Variants in FOXP4 observed in about 807,000 individuals in gnomAD.
FOXP4 encodes forkhead box P4, also known as forkhead box protein P4.
In FOXP4, 25 loss-of-function variants were observed where a neutral mutation model predicts 82.6. That is an observed-to-expected ratio of 0.30 (90% CI 0.22 to 0.42). The LOEUF (loss-of-function observed/expected upper bound fraction) is 0.42, where lower values mean the gene tolerates loss of function less well. Ranked by LOEUF, FOXP4 falls within the 10% of genes least tolerant of loss-of-function variation. The pLI is 1.00. For synonymous variants in FOXP4, 415 were observed against 388.2 expected (o/e 1.07, Z -0.81); for missense variants, 785 against 900.9 (o/e 0.87, Z 1.65).
chr6:41,570,341 T>C (rs1217309890), intron 2 of FOXP4: 1 of 471,180 alleles, frequency 2.1e-6, no homozygotes, highest in Non-Finnish European at 4.4e-6. Flanking sequence ...CACCAGTTCA[T>C]ACCAGCTGCT....
At position 41,584,583 on chromosome 6, in the gene FOXP4, GA is replaced by G. The variant is rs537413504; in HGVS notation, c.301-182del. ...TCACTGTTTTCGTTTTAGAGATAAAGAAAACAGACAACAGGAAGGTAAGTCA... is the reference window on the plus strand; with the variant it reads ...TCACTGTTTTCGTTTTAGAGATAAAGAAACAGACAACAGGAAGGTAAGTCA... On this transcript the variant is annotated intron_variant, in intron 3 of 16. Coordinates refer to ENST00000307972, the MANE Select transcript of FOXP4 (RefSeq NM_001012426.2). Among the ~76,000 whole-genome samples the G allele has an allele frequency of 6.8e-4, 104 of 152,310 alleles. 1 individual carries two copies. Among genetic ancestry groups the G allele is most frequent in the African/African-American group, 2.3e-3 (96 of 41,564 alleles).
chr6:41,564,590 T>A (rs943751538), intron 1 of FOXP4, among the ~76,000 whole-genome samples: 1 of 152,188 alleles, frequency 6.6e-6, no homozygotes, highest in Non-Finnish European at 1.5e-5. Context: ...GAGGCATTTC[T>A]GGGGTCAGGG....
intron 13 of FOXP4, 116 bp from the exon 14 acceptor site, chr6:41,594,754 C>T (rs1167338463): frequency 6.1e-6 from 9 of 1,479,172 alleles, no homozygotes; most frequent in Non-Finnish European, 8.2e-6. Flanking sequence ...CCCTGCTCAT[C>T]CCTGAGCTGG....
At chr6:41,566,018 G>A in intron 2 of FOXP4, 54 bp downstream of exon 2, 4 of 1,536,500 alleles carry the variant, frequency 2.6e-6, no homozygotes, top group Non-Finnish European at 3.5e-6. Flanking sequence ...GCACTAGGCT[G>A]CATTCCACTT....
In FOXP4 at chr6:41,587,625, T is replaced by TCACTCCCTCTC. The variant is rs11267985; in HGVS notation, c.872+126_872+136dup. The TCACTCCCTCTC allele has an allele frequency of 3.3e-4, 321 of 973,926 alleles. 2 individuals carry two copies. The South Asian group carries it at 5.1e-3, about 16-fold the overall frequency. 60.3% of individuals were successfully genotyped at this position (973,926 alleles called of 1,614,324 possible). On this transcript the variant is annotated intron_variant, in intron 7 of 16. Coordinates refer to ENST00000307972, the MANE Select transcript of FOXP4 (RefSeq NM_001012426.2). The stretch of plus-strand genomic sequence containing the variant: ...GGGGTGGAGCCCACGGACCGGAGGT[T>TCACTCCCTCTC]CACTCCCTCTCCACTCCCTCTCCCG...
rs560682404 is a variant in FOXP4, at chr6:41,561,628, T to C, written c.-16-4117T>C. Reference sequence around the variant, plus strand: ...TGTGTAGAGAAGAAAGGAGGACCTCTTGGAGCTTGCCCCTCATTACCAGAG... The same window carrying C: ...TGTGTAGAGAAGAAAGGAGGACCTCCTGGAGCTTGCCCCTCATTACCAGAG... On this transcript the variant is annotated intron_variant, in intron 1 of 16. Coordinates refer to ENST00000307972, the MANE Select transcript of FOXP4 (RefSeq NM_001012426.2). Among the ~76,000 whole-genome samples the C allele has an allele frequency of 1.2e-4, 18 of 152,084 alleles. 1 individual carries two copies. The highest frequency in any genetic ancestry group is 1.2e-3 in the Admixed American group (18 of 15,280).
Position 41,600,396 on chromosome 6 carries a change from G to A in FOXP4, c.*1460G>A, listed in dbSNP as rs1284628214. On this transcript the variant is annotated 3_prime_UTR_variant, in exon 17 of 17. Coordinates refer to ENST00000307972, the MANE Select transcript of FOXP4 (RefSeq NM_001012426.2). ...CAGACTCTCCACAGACCCCCTATGGGGGACCCCCAACTCAAGGCCAAGGAC... is the reference window on the plus strand; with the variant it reads ...CAGACTCTCCACAGACCCCCTATGGAGGACCCCCAACTCAAGGCCAAGGAC... The A allele has an allele frequency of 2.6e-5, 4 of 152,654 alleles. No individual in the cohort carries two copies. Among genetic ancestry groups the A allele is most frequent in the Non-Finnish European group, 5.9e-5 (4 of 68,144 alleles). The allele number at this position is 152,654 out of a possible 1,614,324, so 9.5% of individuals were successfully genotyped here.
Position 41,599,051 on chromosome 6 carries a change from C to A in FOXP4, c.*115C>A. The A allele has an allele frequency of 7.4e-7, 1 of 1,356,944 alleles. No homozygotes were observed. Among genetic ancestry groups the A allele is most frequent in the Admixed American group, 2.9e-5 (1 of 34,474 alleles). The allele number at this position is 1,356,944 out of a possible 1,614,324, so 84.1% of individuals were successfully genotyped here. A position where few individuals can be genotyped will look rare whatever the true frequency, so the allele number is the denominator to read the frequency against. ...CCTCAAGGCAAGTCCAGGACTCAGA[C>A]CGGGGAGGCCCGGGCCAGCAGCTCC... On this transcript the variant is annotated 3_prime_UTR_variant, in exon 17 of 17. Transcript: ENST00000307972.
In FOXP4 at chr6:41,588,692, C is replaced by G. The variant is rs1766313458; in HGVS notation, c.1026C>G (p.Cys342Trp). The G allele has an allele frequency of 6.2e-7, 1 of 1,613,852 alleles. No homozygotes were observed. The highest frequency in any genetic ancestry group is 1.1e-5 in the South Asian group (1 of 91,070). ...TGGATGACCGGAGTACAGCCCAGTG[C>G]CGGGTACAGATGCAGGTGGTGCAGC... ...HALDDRSTAQ[C>W]RVQMQVVQQL... The change falls in exon 9 of 17, where the codon TGC becomes TGG. Residue 342 changes from cysteine to tryptophan, a missense_variant. By Grantham distance (215) the Cys-to-Trp change is radical (BLOSUM62 -2). This residue lies in a region of FOXP4 where 570 missense variants were observed against 634.0 expected (regional missense o/e 0.90). Transcript: ENST00000307972.
chr6:41,595,708 T>C (rs1360420281), intron 14 of FOXP4, among the ~76,000 whole-genome samples: 1 of 152,070 alleles, frequency 6.6e-6, no homozygotes, highest in Non-Finnish European at 1.5e-5. Context: ...GTTCAAGCAA[T>C]TCTCCTGCCC....
intron 1 of FOXP4, among the ~76,000 whole-genome samples, chr6:41,560,918 C>T (rs898951829): frequency 1.3e-5 from 2 of 152,226 alleles, no homozygotes. Flanking sequence ...TTTCTCCTTC[C>T]ACAAAAGCAC....
In FOXP4 at chr6:41,593,575, T is replaced by C. The variant is rs1766641076; in HGVS notation, c.1537-1295T>C. On this transcript the variant is annotated intron_variant, in intron 13 of 16. Transcript: ENST00000307972. This position sits in a 1 kb window ranked among gnomAD's most constrained non-coding sequence, Gnocchi z 4.1. ...GCCCCGGTGAGGCCATCCTCGGAAA[T>C]TGGGGTCATTCTCATTTGCAAAGCG... is the stretch of plus-strand genomic sequence containing the variant. 6.6e-6 allele frequency among the ~76,000 whole-genome samples: 1 copy of C among 152,208 alleles called. No individual in the cohort carries two copies. The highest frequency in any genetic ancestry group is 1.5e-5 in the Non-Finnish European group (1 of 68,038).
chr6:41,583,991 C>T (rs1356639719), intron 3 of FOXP4, among the ~76,000 whole-genome samples: 1 of 152,166 alleles, frequency 6.6e-6, no homozygotes, highest in East Asian at 1.9e-4. Flanking sequence ...GAAACCGAAA[C>T]ATAAGAGAGG....
intron 2 of FOXP4, among the ~76,000 whole-genome samples, chr6:41,573,389 TCCA>T (rs1227188515): frequency 6.6e-6 from 1 of 152,084 alleles, no homozygotes; most frequent in Non-Finnish European, 1.5e-5. Context: ...AGCTTCATTC[TCCA>T]CCATCCCAAC....
In FOXP4 at chr6:41,598,975, C is replaced by T; in HGVS notation, c.*39C>T. On this transcript the variant is annotated 3_prime_UTR_variant, in exon 17 of 17. Coordinates refer to ENST00000307972, the MANE Select transcript of FOXP4 (RefSeq NM_001012426.2). ...CCGGCAGGGCTGGGGTGAGACCCCT[C>T]CCTTCCAGAATCCAGGCCCCATCTC... 1 of 1,511,344 alleles carries T rather than the reference C, an allele frequency of 6.6e-7. No homozygotes were observed. 93.6% of individuals were successfully genotyped at this position (1,511,344 alleles called of 1,614,324 possible). A position where few individuals can be genotyped will look rare whatever the true frequency, so the allele number is the denominator to read the frequency against.
At chr6:41,550,148 A>G (rs114873710) in intron 1 of FOXP4, among the ~76,000 whole-genome samples, 4,759 of 152,244 alleles carry the variant, frequency 0.031, 115 homozygotes, top group Non-Finnish European at 0.047. Context: ...CAAGGAACTG[A>G]GGCCTCCCCA....
intron 2 of FOXP4, 97 bp downstream of exon 2, chr6:41,566,061 G>A: frequency 7.6e-7 from 1 of 1,320,892 alleles, no homozygotes; most frequent in South Asian, 1.4e-5. Flanking sequence ...CTCCCTGCCA[G>A]GCAGCCTCAC....
At chr6:41,573,450 G>A (rs767235626) in intron 2 of FOXP4, among the ~76,000 whole-genome samples, 15 of 152,112 alleles carry the variant, frequency 9.9e-5, no homozygotes, top group African/African-American at 3.4e-4. Context: ...TCCTAATTGC[G>A]GAGATCCTGC....
intron 13 of FOXP4, among the ~76,000 whole-genome samples, chr6:41,594,490 T>A (rs138928561): frequency 3.9e-5 from 6 of 152,322 alleles, no homozygotes; most frequent in Non-Finnish European, 8.8e-5. Context: ...GGGGCCCGAA[T>A]GTGATCTGCT....
Sources: gnomAD v4.1 joint callset for allele counts (sites outside exome capture counted in the v4.1 genomes callset) on GRCh38, gnomAD v4.1.1 for gene constraint, gnomAD v4.1.1 regional missense constraint, Gnocchi (gnomAD v3.1) non-coding constraint, MANE v1.5 for transcripts, NCBI Gene and HGNC (gene_info 2026-07-23, HGNC 2026-07-21) for gene names.